Variants in RIMS1 observed in about 807,000 individuals in gnomAD.
RIMS1 encodes the protein regulating synaptic membrane exocytosis protein 1.
In RIMS1, 83 loss-of-function variants were observed where a neutral mutation model predicts 214.1. That is an observed-to-expected ratio of 0.39 (90% confidence interval 0.32 to 0.47). The LOEUF (loss-of-function observed/expected upper bound fraction) is 0.47, where lower values mean the gene tolerates loss of function less well. RIMS1 is among the 20% of genes least tolerant of loss of function. The probability of loss-of-function intolerance (pLI) is 0.99; values close to 1 mark genes in which losing one functional copy is unlikely to be tolerated. For synonymous variants in RIMS1, 793 were observed against 786.8 expected, an observed-to-expected ratio of 1.01 and a Z score of -0.13; for missense variants, 2,050 against 2,161.8, an observed-to-expected ratio of 0.95 and a Z score of 1.03.
intron 1 of RIMS1, among the ~76,000 whole-genome samples, chr6:71,894,248 C>A (rs1303214808): frequency 6.6e-6 from 1 of 152,114 alleles, no homozygotes; most frequent in African/African-American, 2.4e-5. Context: ...AGTTTGAGAC[C>A]AGCCTGGCCA....
rs1179472836 is a variant in RIMS1 at position 72,237,939 on chromosome 6, T to A, written c.1957+17T>A. On this transcript the variant is annotated intron_variant, in intron 9 of 33. Transcript: ENST00000521978. ...TAAGAGCAGGTAAAGTTTCTTTTTT[T>A]AATATTTAAACAGTGTGTTCTCCAT... The A allele has an allele frequency of 1.9e-6, 3 of 1,567,300 alleles. No homozygotes were observed. Among genetic ancestry groups the A allele is most frequent in the African/African-American group, 1.4e-5 (1 of 73,224 alleles).
At chr6:72,087,251 A>T (rs931451728) in intron 2 of RIMS1, among the ~76,000 whole-genome samples, 1 of 152,250 alleles carries the variant, frequency 6.6e-6, no homozygotes, top group Non-Finnish European at 1.5e-5. Context: ...CATTTAGTTT[A>T]TCCCTAAAGA....
At chr6:72,303,730 A>T (rs2094871086) in intron 26 of RIMS1, among the ~76,000 whole-genome samples, 2 of 151,566 alleles carry the variant, frequency 1.3e-5, no homozygotes, top group African/African-American at 4.8e-5. Context: ...AGTTGGAATA[A>T]ATAAAATGGA....
chr6:72,398,212 A>G (rs1463292935), intron 31 of RIMS1, 37 bp from the exon 32 acceptor site: 3 of 1,348,268 alleles, frequency 2.2e-6, no homozygotes, highest in Non-Finnish European at 3.1e-6. Context: ...ATAACTGCAA[A>G]GAAGCTGAAA....
rs532964121 is a variant in RIMS1 at position 72,045,171 on chromosome 6, G to C, written c.246-51778G>C. Among the ~76,000 whole-genome samples, 15 of 152,048 alleles carry C rather than the reference G, an allele frequency of 9.9e-5. 2 individuals are homozygous for C. Among genetic ancestry groups the C allele is most frequent in the Admixed American group, 9.8e-4 (15 of 15,230 alleles). On this transcript the variant is annotated intron_variant, in intron 2 of 33. Transcript: ENST00000521978. The stretch of plus-strand genomic sequence containing the variant: ...GCAAAAATGATAAGGTCAGAAAACA[G>C]TGACTCGGGGAGAGAGTGGGAATTG...
rs1225695677 is a variant in RIMS1, at chr6:72,004,690, A to G, written c.245+35627A>G. Among the ~76,000 whole-genome samples the G allele has an allele frequency of 9.2e-5, 14 of 151,912 alleles. No homozygotes were observed. The East Asian group carries it at 1.4e-3, about 15-fold the overall frequency. ...CTTCTTTTGAGAAGTGTCTGTTCAT[A>G]TCCTTTGCCCACTTTTTGATGGGGT... On this transcript the variant is annotated intron_variant, in intron 2 of 33. Transcript: ENST00000521978.
At chr6:72,237,637 C>T (rs940015820) in intron 8 of RIMS1, among the ~76,000 whole-genome samples, 186 bp from the exon 9 acceptor site, 1 of 150,822 alleles carries the variant, frequency 6.6e-6, no homozygotes, top group Non-Finnish European at 1.5e-5. Flanking sequence ...GATCATGCCA[C>T]TGCATTCCAT....
At chr6:72,148,678 T>G in intron 4 of RIMS1, 1 of 454,880 alleles carries the variant, frequency 2.2e-6, no homozygotes, top group South Asian at 1.6e-5. Flanking sequence ...CCTAGACTTG[T>G]GCTGTCACTA....
chr6:71,933,398 A>G (rs995071813), intron 1 of RIMS1, among the ~76,000 whole-genome samples: 4 of 152,138 alleles, frequency 2.6e-5, no homozygotes, highest in African/African-American at 7.2e-5. Context: ...AGAGTCAATC[A>G]TGGTGCCTGG....
At chr6:71,913,825 G>A (rs865796832) in intron 1 of RIMS1, among the ~76,000 whole-genome samples, 2 of 151,990 alleles carry the variant, frequency 1.3e-5, no homozygotes, top group Non-Finnish European at 2.9e-5. Flanking sequence ...GACACCCCTG[G>A]GCAAATGGGG....
At chr6:72,370,826 G>A (rs2098193427) in intron 29 of RIMS1, among the ~76,000 whole-genome samples, 1 of 152,070 alleles carries the variant, frequency 6.6e-6, no homozygotes, top group African/African-American at 2.4e-5. Flanking sequence ...AGAAGAAAAG[G>A]GAGGAAAGGA....
At chr6:71,937,307 C>T (rs944573824) in intron 1 of RIMS1, among the ~76,000 whole-genome samples, 2 of 152,136 alleles carry the variant, frequency 1.3e-5, no homozygotes, top group African/African-American at 4.8e-5. Flanking sequence ...GTCACCCAGG[C>T]TAGAGTGCAC....
At chr6:72,174,547 A>T (rs900264010) in intron 4 of RIMS1, among the ~76,000 whole-genome samples, 15 of 152,200 alleles carry the variant, frequency 9.9e-5, no homozygotes, top group Non-Finnish European at 2.2e-4. Flanking sequence ...TATGAAAAAA[A>T]GTTTGATCAA....
At chr6:72,175,588 G>A (rs959362126) in intron 4 of RIMS1, among the ~76,000 whole-genome samples, 4 of 151,824 alleles carry the variant, frequency 2.6e-5, no homozygotes, top group African/African-American at 7.3e-5. Context: ...CAGGAGAATC[G>A]CTTGAACCCA....
At chr6:72,253,135 G>A (rs569693804) in intron 16 of RIMS1, among the ~76,000 whole-genome samples, 41 of 152,076 alleles carry the variant, frequency 2.7e-4, no homozygotes, top group African/African-American at 9.6e-4. Flanking sequence ...GAAAAGATGG[G>A]GTTATTAAAT....
intron 30 of RIMS1, 43 bp downstream of exon 30, chr6:72,390,779 T>C (rs2098690140): frequency 1.2e-6 from 2 of 1,604,622 alleles, no homozygotes; most frequent in Non-Finnish European, 1.7e-6. Flanking sequence ...GAACCAGGAA[T>C]TGTGTACTAA....
intron 2 of RIMS1, among the ~76,000 whole-genome samples, chr6:72,032,132 G>A (rs1035774750): frequency 6.6e-6 from 1 of 152,038 alleles, no homozygotes; most frequent in Non-Finnish European, 1.5e-5. Flanking sequence ...TGAGAGGTGT[G>A]TGTGTGTAGG....
At chr6:72,196,836 A>G (rs1460531243) in intron 6 of RIMS1, among the ~76,000 whole-genome samples, 1 of 32,404 alleles carries the variant, frequency 3.1e-5, no homozygotes, top group East Asian at 1.0e-3. Context: ...GTAGAGAGCT[A>G]TTTGCCATAA....
chr6:72,349,166 T>C (rs2097363197), intron 29 of RIMS1, among the ~76,000 whole-genome samples: 1 of 152,028 alleles, frequency 6.6e-6, no homozygotes, highest in South Asian at 2.1e-4. Flanking sequence ...CCGAAAAATG[T>C]GGTACACCCA....
Sources: gnomAD v4.1 joint callset for allele counts (sites outside exome capture counted in the v4.1 genomes callset) on GRCh38, gnomAD v4.1.1 for gene constraint, MANE v1.5 for transcripts, NCBI Gene and HGNC (gene_info 2026-07-23, HGNC 2026-07-21) for gene names.